TTC27: variants seen among roughly 807,000 people sequenced by gnomAD.
TTC27 encodes tetratricopeptide repeat domain 27.
A neutral mutation model predicts 115.9 loss-of-function variants in TTC27; 79 were observed. The ratio of observed to expected loss-of-function variants is 0.68; its 90% CI spans 0.57 to 0.82. The LOEUF is 0.82. Ranked by LOEUF, TTC27 falls within the 40% of genes least tolerant of loss-of-function variation. The pLI is 0.00. For synonymous variants in TTC27, 401 were observed against 356.0 expected (o/e 1.13, Z -1.42); for missense variants, 1,054 against 993.1 (o/e 1.06, Z -0.82).
intron 10 of TTC27, among the ~76,000 whole-genome samples, chr2:32,717,860 C>T (rs1341540282): frequency 6.6e-6 from 1 of 152,084 alleles, no homozygotes; most frequent in African/African-American, 2.4e-5. Flanking sequence ...CTAAATTTGA[C>T]CATGGGCTCT....
Position 32,713,753 on chromosome 2 carries a change from A to G in TTC27, c.1233+10833A>G, listed in dbSNP as rs1233519937. Among the ~76,000 whole-genome samples, 9 of 152,214 alleles carry G rather than the reference A, an allele frequency of 5.9e-5. No homozygotes were observed. In the East Asian group the frequency reaches 9.7e-4, roughly 16 times the overall value. ...ACAATTTTTAAATGACTTTTTTCCTAGAATATTTGTTCTTTTTTTTGACTT... is the reference window on the plus strand; with the variant it reads ...ACAATTTTTAAATGACTTTTTTCCTGGAATATTTGTTCTTTTTTTTGACTT... On this transcript the variant is annotated intron_variant, in intron 10 of 19. Transcript: ENST00000317907.
intron 10 of TTC27, among the ~76,000 whole-genome samples, chr2:32,704,158 C>T (rs971210313): frequency 3.3e-5 from 5 of 152,160 alleles, no homozygotes; most frequent in Admixed American, 6.6e-5. Flanking sequence ...AGGACACATT[C>T]GGACTATAGT....
chr2:32,793,684 G>A (rs757640591), intron 16 of TTC27, among the ~76,000 whole-genome samples: 38 of 152,046 alleles, frequency 2.5e-4, no homozygotes, highest in African/African-American at 8.9e-4. Context: ...CACCACGCCC[G>A]GCTAATTTTT....
chr2:32,802,649 T>A (rs1468912340), intron 16 of TTC27, among the ~76,000 whole-genome samples: 1 of 152,190 alleles, frequency 6.6e-6, no homozygotes, highest in Non-Finnish European at 1.5e-5. Flanking sequence ...GCTTTCTCCT[T>A]TCTTCTCCGT....
intron 6 of TTC27, among the ~76,000 whole-genome samples, chr2:32,666,240 C>G (rs1053846175): frequency 6.6e-6 from 1 of 152,116 alleles, no homozygotes; most frequent in East Asian, 1.9e-4. Flanking sequence ...AGCTCTGGTT[C>G]TGATGCTGAG....
chr2:32,710,427 CTTTTTT>C (rs10651873), intron 10 of TTC27, among the ~76,000 whole-genome samples: 2 of 129,854 alleles, frequency 1.5e-5, no homozygotes, highest in Non-Finnish European at 3.2e-5. Context: ...AAGTATATAG[CTTTTTT>C]TTTTTTTTTT....
chr2:32,758,287 T>C lies in TTC27; in HGVS notation c.1453-5T>C. The C allele has an allele frequency of 6.2e-7, 1 of 1,613,706 alleles. No individual in the cohort carries two copies. The highest frequency in any genetic ancestry group is 8.5e-7 in the Non-Finnish European group (1 of 1,179,812). On this transcript the variant is annotated splice_region_variant and splice_polypyrimidine_tract_variant and intron_variant, in intron 12 of 19. Transcript: ENST00000317907. ...AAGCAATTTCATTATTTCTGTTGTT[T>C]CTAGGCAGAAGAAATCCTTAGACAA...
At chr2:32,666,853 G>C (rs146889812) in intron 7 of TTC27, 85 bp downstream of exon 7, 14 of 1,440,896 alleles carry the variant, frequency 9.7e-6, no homozygotes, top group Non-Finnish European at 1.2e-5. Context: ...ACACTGAATG[G>C]GTTGGGGACA....
intron 12 of TTC27, among the ~76,000 whole-genome samples, chr2:32,743,452 G>A (rs1034399107): frequency 2.0e-5 from 3 of 152,194 alleles, no homozygotes; most frequent in East Asian, 1.9e-4. Flanking sequence ...GCTTAGGGTA[G>A]GATCTTCTCT....
intron 14 of TTC27, among the ~76,000 whole-genome samples, chr2:32,779,005 C>G (rs1670086509): frequency 6.6e-6 from 1 of 152,214 alleles, no homozygotes; most frequent in Non-Finnish European, 1.5e-5. Context: ...CGGTGGATCA[C>G]TTGTGGCCAG....
intron 10 of TTC27, among the ~76,000 whole-genome samples, chr2:32,727,206 A>G (rs142582701): frequency 6.6e-6 from 1 of 152,330 alleles, no homozygotes; most frequent in East Asian, 1.9e-4. Context: ...TATTTTAAAT[A>G]TTGAGACAAG....
At chr2:32,689,948 A>C (rs919063736) in intron 9 of TTC27, among the ~76,000 whole-genome samples, 8 of 152,202 alleles carry the variant, frequency 5.3e-5, no homozygotes, top group African/African-American at 1.7e-4. Context: ...TTTAAGTAGA[A>C]TCTATATCTG....
rs1558328767 is a variant in TTC27 at position 32,758,539 on chromosome 2, C to G, written c.1680+20C>G. ...ATGCAGGTTAGACAACTCATAACCC[C>G]CTGCTGCTCTCAGCGCTTGTGCTGT... On this transcript the variant is annotated intron_variant, in intron 13 of 19. Coordinates refer to ENST00000317907, the MANE Select transcript of TTC27 (RefSeq NM_017735.5). 1 of 1,605,364 alleles carries G rather than the reference C, an allele frequency of 6.2e-7. No homozygotes were observed. Among genetic ancestry groups the G allele is most frequent in the Non-Finnish European group, 8.5e-7 (1 of 1,172,298 alleles).
chr2:32,682,994 C>T (rs1310853460), intron 9 of TTC27, among the ~76,000 whole-genome samples: 1 of 151,586 alleles, frequency 6.6e-6, no homozygotes, highest in Admixed American at 6.6e-5. Context: ...GCTGGGACTA[C>T]AGGTGCCCAC....
intron 4 of TTC27, among the ~76,000 whole-genome samples, chr2:32,648,679 A>G (rs1664964395): frequency 6.6e-6 from 1 of 152,058 alleles, no homozygotes. Flanking sequence ...AAAAGCTACT[A>G]TATGCTCAGC....
chr2:32,641,175 C>A (rs553991442), intron 4 of TTC27, among the ~76,000 whole-genome samples: 18 of 152,202 alleles, frequency 1.2e-4, no homozygotes, highest in Admixed American at 3.3e-4. Flanking sequence ...TGTTAAATAT[C>A]TATTATATGG....
intron 12 of TTC27, among the ~76,000 whole-genome samples, chr2:32,757,736 A>G (rs902578364): frequency 2.0e-5 from 3 of 152,056 alleles, no homozygotes; most frequent in Admixed American, 2.0e-4. Context: ...CTTGTTGTCC[A>G]GGCTGGAGTG....
At chr2:32,713,346 G>GA (rs1025114726) in intron 10 of TTC27, among the ~76,000 whole-genome samples, 6 of 150,440 alleles carry the variant, frequency 4.0e-5, no homozygotes, top group African/African-American at 1.2e-4. Flanking sequence ...AAACATTTTT[G>GA]AAAAAAAAAT....
chr2:32,661,696 G>A (rs534579550), intron 5 of TTC27, among the ~76,000 whole-genome samples: 44 of 152,182 alleles, frequency 2.9e-4, no homozygotes, highest in African/African-American at 9.9e-4. Context: ...CTAAATATAC[G>A]ATAATGTCAT....
Sources: allele counts gnomAD v4.1 joint callset (sites outside exome capture counted in the v4.1 genomes callset), GRCh38; gene constraint gnomAD v4.1.1; transcripts MANE v1.5; gene names NCBI Gene and HGNC (gene_info 2026-07-23, HGNC 2026-07-21).